Variants in MTHFD1L observed in about 807,000 individuals in gnomAD.
MTHFD1L encodes monofunctional C1-tetrahydrofolate synthase, mitochondrial.
Under a neutral mutation model 119.5 loss-of-function variants are expected in MTHFD1L, and 81 were observed. The ratio of observed to expected loss-of-function variants is 0.68; its 90% CI spans 0.57 to 0.82. The LOEUF (loss-of-function observed/expected upper bound fraction) is 0.82, where lower values mean the gene tolerates loss of function less well. MTHFD1L is among the 40% of genes least tolerant of loss of function. The pLI is 0.00. For synonymous variants in MTHFD1L, 430 were observed against 475.2 expected, an observed-to-expected ratio of 0.90 and a Z score of 1.24; for missense variants, 1,125 against 1,253.4, an observed-to-expected ratio of 0.90 and a Z score of 1.55.
chr6:150,936,892 T>C lies in MTHFD1L; in HGVS notation c.1345T>C (p.Phe449Leu), dbSNP rs1280262128. The change falls in exon 12 of 28, where the codon TTT becomes CTT. Residue 449 changes from phenylalanine (F) to leucine (L), a missense_variant. This residue lies in a region of MTHFD1L where 1,058 missense variants were observed against 1,151.2 expected (regional missense o/e 0.92). Coordinates refer to ENST00000367321, the MANE Select transcript of MTHFD1L (RefSeq NM_015440.5). The stretch of plus-strand genomic sequence containing the variant: ...GACCGCACACCTGAATGTCAACTCC[T>C]TTGCCTGCTTGAGGCAGCCTTCCCA... ...ALTAHLNVNS[F>L]ACLRQPSQGP... 1 of 1,614,042 alleles carries C rather than the reference T, an allele frequency of 6.2e-7. No individual in the cohort carries two copies. Among genetic ancestry groups the C allele is most frequent in the Non-Finnish European group, 8.5e-7 (1 of 1,180,020 alleles).
intron 26 of MTHFD1L, among the ~76,000 whole-genome samples, chr6:151,053,870 A>G (rs1298969815): frequency 1.3e-5 from 2 of 152,130 alleles, no homozygotes; most frequent in East Asian, 3.8e-4. Flanking sequence ...AAAAAAAAAA[A>G]AAAAAATGCT....
intron 26 of MTHFD1L, among the ~76,000 whole-genome samples, chr6:151,064,789 G>GTT (rs63491461): frequency 0.047 from 6,911 of 147,784 alleles, 207 homozygotes; most frequent in Middle Eastern, 0.099. Context: ...TTCTTTTTTT[G>GTT]TTTTTTTTTT....
intron 20 of MTHFD1L, among the ~76,000 whole-genome samples, chr6:150,974,073 G>A (rs769135307): frequency 6.6e-5 from 10 of 152,164 alleles, no homozygotes; most frequent in Non-Finnish European, 1.2e-4. Flanking sequence ...AAATCTGTCC[G>A]TTGCCAGATG....
chr6:150,924,912 CTGGAAAGGAA>C (rs1789660909), intron 10 of MTHFD1L, among the ~76,000 whole-genome samples: 1 of 151,890 alleles, frequency 6.6e-6, no homozygotes, highest in Admixed American at 6.6e-5. Flanking sequence ...AGGTGGAGGC[CTGGAAAGGAA>C]TACTCAGCGG....
chr6:151,082,530 A>C (rs1793296133), intron 26 of MTHFD1L, among the ~76,000 whole-genome samples: 1 of 152,230 alleles, frequency 6.6e-6, no homozygotes, highest in South Asian at 2.1e-4. Flanking sequence ...TCATAATACT[A>C]ATGAAACCTT....
chr6:151,003,013 G>T (rs527883003), intron 20 of MTHFD1L, among the ~76,000 whole-genome samples: 1 of 152,110 alleles, frequency 6.6e-6, no homozygotes, highest in Non-Finnish European at 1.5e-5. Context: ...GGTGGGGAGC[G>T]GAATAGGCAG....
chr6:151,051,572 A>G (rs1789040634), intron 26 of MTHFD1L, among the ~76,000 whole-genome samples: 1 of 152,202 alleles, frequency 6.6e-6, no homozygotes, highest in Admixed American at 6.5e-5. Context: ...TCAGTAGGTC[A>G]GTCGGCATGT....
chr6:150,994,077 A>AAAGAAAGAAAG (rs1562508689), intron 20 of MTHFD1L, among the ~76,000 whole-genome samples: 1 of 105,308 alleles, frequency 9.5e-6, no homozygotes, highest in Non-Finnish European at 1.9e-5. Context: ...AAAAAAAAAA[A>AAAGAAAGAAAG]AAAGAAAGAA....
chr6:150,953,225 C>T (rs553687234), intron 16 of MTHFD1L, among the ~76,000 whole-genome samples: 1 of 152,216 alleles, frequency 6.6e-6, no homozygotes, highest in Non-Finnish European at 1.5e-5. Context: ...TACTGCCAGG[C>T]TCTTGGCCAA....
At chr6:151,012,000 T>TCAACAACAACAACAA (rs773521876) in intron 21 of MTHFD1L, among the ~76,000 whole-genome samples, 7 of 63,748 alleles carry the variant, frequency 1.1e-4, no homozygotes, top group South Asian at 6.5e-4. Flanking sequence ...AAAGTCCATC[T>TCAACAACAACAACAA]CAACAACAAC....
chr6:150,974,724 C>CTTTTTTTTTTTTTTTTTT, intron 20 of MTHFD1L, among the ~76,000 whole-genome samples: 1 of 144,620 alleles, frequency 6.9e-6, no homozygotes. Flanking sequence ...AATTCTCTTC[C>CTTTTTTTTTTTTTTTTTT]TTTTTTTTTT....
At chr6:150,899,527 G>T (rs946569093) in intron 7 of MTHFD1L, among the ~76,000 whole-genome samples, 1 of 152,166 alleles carries the variant, frequency 6.6e-6, no homozygotes, top group South Asian at 2.1e-4. Context: ...TTAGTTTAGA[G>T]TAGTTATACT....
intron 17 of MTHFD1L, chr6:150,959,332 CT>C (rs1415613641): frequency 5.8e-6 from 2 of 342,082 alleles, no homozygotes; most frequent in African/African-American, 4.5e-5. Context: ...TTGAACTTGT[CT>C]GGCTCACACT....
Position 150,926,057 on chromosome 6 carries a change from C to T in MTHFD1L, c.1083-65C>T, listed in dbSNP as rs540659071. 73 of 1,424,038 alleles carry T rather than the reference C, an allele frequency of 5.1e-5. No homozygotes were observed. In the East Asian group the frequency reaches 1.5e-3, roughly 29 times the overall value. 88.2% of individuals were successfully genotyped at this position (1,424,038 alleles called of 1,614,324 possible). On this transcript the variant is annotated intron_variant, in intron 10 of 27. Coordinates refer to ENST00000367321, the MANE Select transcript of MTHFD1L (RefSeq NM_015440.5). This position sits in a 1 kb window ranked among gnomAD's most constrained non-coding sequence, Gnocchi z 4.3. Reference sequence around the variant, plus strand: ...CGTTGGCGTGATGTGTGGCTGTTTTCACTCCAGTTGTGACCACCTAAGCTG... The same window carrying T: ...CGTTGGCGTGATGTGTGGCTGTTTTTACTCCAGTTGTGACCACCTAAGCTG...
chr6:150,938,572 T>C, intron 12 of MTHFD1L, 127 bp from the exon 13 acceptor site: 1 of 930,940 alleles, frequency 1.1e-6, no homozygotes, highest in Non-Finnish European at 1.7e-6. Context: ...TCTCACTGCC[T>C]TTTGTTACTT....
At chr6:150,898,849 T>C in intron 7 of MTHFD1L, 1 of 327,984 alleles carries the variant, frequency 3.0e-6, no homozygotes, top group Admixed American at 5.1e-5. Context: ...TATTATTATT[T>C]TCTTTTTCAG....
At chr6:151,046,473 AT>A (rs1788070239) in intron 26 of MTHFD1L, among the ~76,000 whole-genome samples, 2 of 5,998 alleles carry the variant, frequency 3.3e-4, no homozygotes, top group Admixed American at 2.2e-3. Context: ...GTGTGTGTGT[AT>A]ATATATATAT....
intron 26 of MTHFD1L, among the ~76,000 whole-genome samples, chr6:151,040,184 G>A (rs532239687): frequency 0.012 from 1,823 of 152,212 alleles, 35 homozygotes; most frequent in African/African-American, 0.041. Context: ...TACCCTCTGA[G>A]GACTCTAAAC....
rs181513194 is a variant in MTHFD1L, at chr6:150,983,421, G to A, written c.2125+11363G>A. 3.2e-3 allele frequency among the ~76,000 whole-genome samples: 486 copies of A among 152,158 alleles called. 3 individuals are homozygous for A. Among genetic ancestry groups the A allele is most frequent in the Non-Finnish European group, 4.5e-3 (308 of 68,006 alleles). On this transcript the variant is annotated intron_variant, in intron 20 of 27. Transcript: ENST00000367321. ...CTCTTACAGTTTGTGAGACTTTTCT[G>A]CCCTGGTGATATGTGCATCAGTGGT...
Sources: allele counts gnomAD v4.1 joint callset (sites outside exome capture counted in the v4.1 genomes callset), GRCh38; gene constraint gnomAD v4.1.1; regional missense constraint gnomAD v4.1.1; non-coding constraint Gnocchi (gnomAD v3.1); transcripts MANE v1.5; gene names NCBI Gene and HGNC (gene_info 2026-07-23, HGNC 2026-07-21).